The following MGMT variants were observed in gnomAD, a reference collection of about 807,000 sequenced individuals.
MGMT encodes methylated-DNA--protein-cysteine methyltransferase.
In MGMT, 14 loss-of-function variants were observed where a neutral mutation model predicts 15.9. The observed-to-expected ratio is 0.88, with a 90% confidence interval of 0.58 to 1.37. The LOEUF (loss-of-function observed/expected upper bound fraction) is 1.37. Among genes scored for constraint, MGMT ranks in the 40% most tolerant of loss-of-function variants. The pLI is 0.00. For missense variants in MGMT, 282 were observed against 268.1 expected (o/e 1.05, Z -0.36); for synonymous variants, 130 against 118.2 (o/e 1.10, Z -0.65).
chr10:129,668,661 A>G (rs1847687065), intron 2 of MGMT, among the ~76,000 whole-genome samples: 1 of 152,224 alleles, frequency 6.6e-6, no homozygotes, highest in Non-Finnish European at 1.5e-5. Context: ...ACAAATTTTC[A>G]AATCTAATAG....
intron 3 of MGMT, among the ~76,000 whole-genome samples, chr10:129,738,834 T>A (rs1034389939): frequency 1.3e-5 from 2 of 152,202 alleles, no homozygotes; most frequent in Non-Finnish European, 2.9e-5. Flanking sequence ...TACCAAAGGC[T>A]GGCAGAGACA....
At position 129,566,213 on chromosome 10, in the gene MGMT, G is replaced by A. The variant is rs1380653368; in HGVS notation, c.125+29836G>A. On this transcript the variant is annotated intron_variant, in intron 2 of 4. Coordinates refer to ENST00000651593, the MANE Select transcript of MGMT (RefSeq NM_002412.5). This position sits in a 1 kb window ranked among gnomAD's most constrained non-coding sequence, Gnocchi z 4.1. Reference sequence around the variant, plus strand: ...TAGGGGATGGAGAGCTGGACTTCCAGCCTGCTTCTTGGCTGTCTAGGTGCC... The same window carrying A: ...TAGGGGATGGAGAGCTGGACTTCCAACCTGCTTCTTGGCTGTCTAGGTGCC... 1.3e-5 allele frequency among the ~76,000 whole-genome samples: 2 copies of A among 152,192 alleles called. No homozygotes were observed. Among genetic ancestry groups the A allele is most frequent in the South Asian group, 4.1e-4 (2 of 4,832 alleles).
At chr10:129,576,957 A>T (rs1344863748) in intron 2 of MGMT, among the ~76,000 whole-genome samples, 5 of 152,178 alleles carry the variant, frequency 3.3e-5, no homozygotes, top group Non-Finnish European at 5.9e-5. Flanking sequence ...AGAATAAAAT[A>T]CCTAGGAATC....
chr10:129,667,678 T>C (rs778283481), intron 2 of MGMT, among the ~76,000 whole-genome samples: 3 of 152,208 alleles, frequency 2.0e-5, no homozygotes, highest in South Asian at 4.1e-4. Context: ...GATGTAATTA[T>C]TGTTAGTTTT....
chr10:129,586,214 A>G (rs1034910657), intron 2 of MGMT, among the ~76,000 whole-genome samples: 48 of 152,224 alleles, frequency 3.2e-4, no homozygotes, highest in African/African-American at 1.1e-3. Flanking sequence ...AACTGTGGAT[A>G]AAGGGGGCCA....
chr10:129,508,012 G>C (rs1564837337), intron 1 of MGMT, among the ~76,000 whole-genome samples: 1 of 152,146 alleles, frequency 6.6e-6, no homozygotes, highest in Non-Finnish European at 1.5e-5. Context: ...CCTTTGTTCT[G>C]TGACATTTTT....
chr10:129,707,308 GAGAA>G (rs760220125), intron 2 of MGMT, among the ~76,000 whole-genome samples: 24 of 151,912 alleles, frequency 1.6e-4, no homozygotes, highest in East Asian at 5.8e-4. Flanking sequence ...AGGAAGGTTT[GAGAA>G]AGAACCAAGT....
intron 1 of MGMT, among the ~76,000 whole-genome samples, chr10:129,498,884 A>G (rs1412049430): frequency 1.3e-5 from 2 of 152,140 alleles, no homozygotes; most frequent in Non-Finnish European, 2.9e-5. Flanking sequence ...AGGGGGAGCT[A>G]GGGGCTGTAT....
chr10:129,615,414 C>T (rs1847013648), intron 2 of MGMT, among the ~76,000 whole-genome samples: 1 of 152,106 alleles, frequency 6.6e-6, no homozygotes, highest in Non-Finnish European at 1.5e-5. Context: ...GGTTATTTTA[C>T]TCAGATCTCT....
At chr10:129,489,781 T>C (rs1302428170) in intron 1 of MGMT, among the ~76,000 whole-genome samples, 2 of 152,190 alleles carry the variant, frequency 1.3e-5, no homozygotes, top group Non-Finnish European at 2.9e-5. Flanking sequence ...ATGACTGATA[T>C]GCGGAAATGC....
chr10:129,672,542 C>T (rs553562153), intron 2 of MGMT, among the ~76,000 whole-genome samples: 13 of 152,208 alleles, frequency 8.5e-5, no homozygotes, highest in South Asian at 8.3e-4. Context: ...ATTTTATATC[C>T]GTGGGGTCCA....
chr10:129,715,614 G>A (rs182746086), intron 3 of MGMT: 2 of 152,200 alleles, frequency 1.3e-5, no homozygotes, highest in African/African-American at 4.8e-5. Context: ...GGTAATGTTC[G>A]TGCATTTGAA....
intron 3 of MGMT, among the ~76,000 whole-genome samples, chr10:129,758,501 C>T (rs1035686373): frequency 2.6e-5 from 4 of 152,144 alleles, no homozygotes; most frequent in African/African-American, 7.2e-5. Context: ...GTTCTGAAAC[C>T]TGGAGGCAGA....
intron 4 of MGMT, among the ~76,000 whole-genome samples, chr10:129,760,386 T>C (rs1242986402): frequency 6.6e-6 from 1 of 152,218 alleles, no homozygotes; most frequent in Non-Finnish European, 1.5e-5. Flanking sequence ...CCGAAAGCTC[T>C]GTGAAAGTTT....
chr10:129,651,870 A>G (rs1847462417), intron 2 of MGMT, among the ~76,000 whole-genome samples: 1 of 152,238 alleles, frequency 6.6e-6, no homozygotes. Flanking sequence ...TCTGAGCTGC[A>G]CTGATCCCAA....
intron 1 of MGMT, among the ~76,000 whole-genome samples, chr10:129,467,963 C>T (rs1845188463): frequency 6.6e-6 from 1 of 152,218 alleles, no homozygotes; most frequent in African/African-American, 2.4e-5. Flanking sequence ...TCAGTTGCTT[C>T]AGCTGAGTAG....
At chr10:129,589,313 G>A (rs779297369) in intron 2 of MGMT, among the ~76,000 whole-genome samples, 4 of 152,218 alleles carry the variant, frequency 2.6e-5, no homozygotes, top group Non-Finnish European at 5.9e-5. Flanking sequence ...GGGACAAAGT[G>A]TGTGTTGTCC....
At chr10:129,493,284 G>C (rs192803752) in intron 1 of MGMT, among the ~76,000 whole-genome samples, 15 of 152,234 alleles carry the variant, frequency 9.9e-5, no homozygotes, top group African/African-American at 3.6e-4. Flanking sequence ...CAGGGCCCTC[G>C]GGTTGTCAGG....
At chr10:129,693,610 A>C (rs1847995640) in intron 2 of MGMT, 1 of 152,610 alleles carries the variant, frequency 6.6e-6, no homozygotes, top group South Asian at 2.1e-4. Flanking sequence ...ACCAGAGCTT[A>C]AAAGAGAAGG....
Sources: allele counts gnomAD v4.1 joint callset (sites outside exome capture counted in the v4.1 genomes callset), GRCh38; gene constraint gnomAD v4.1.1; non-coding constraint Gnocchi (gnomAD v3.1); transcripts MANE v1.5; gene names NCBI Gene and HGNC (gene_info 2026-07-23, HGNC 2026-07-21).